The following BICD1 variants were observed in gnomAD, a reference collection of about 807,000 sequenced individuals.
BICD1 encodes the protein BICD cargo adaptor 1.
BICD1 carries 35 observed loss-of-function variants against 92.5 expected under a neutral mutation model. That is an observed-to-expected ratio of 0.38 (90% CI 0.29 to 0.50). The LOEUF is 0.50. BICD1 is among the 20% of genes least tolerant of loss of function. The probability of loss-of-function intolerance (pLI) is 0.93; values close to 1 mark genes in which losing one functional copy is unlikely to be tolerated. For synonymous variants in BICD1, 429 were observed against 465.1 expected, an observed-to-expected ratio of 0.92 and a Z score of 1.00; for missense variants, 950 against 1,189.8, an observed-to-expected ratio of 0.80 and a Z score of 2.97.
At chr12:32,250,112 A>G (rs1946488195) in intron 2 of BICD1, among the ~76,000 whole-genome samples, 1 of 152,096 alleles carries the variant, frequency 6.6e-6, no homozygotes, top group Non-Finnish European at 1.5e-5. Flanking sequence ...CTTGTCCTAC[A>G]CCACGTTCAT....
intron 8 of BICD1, among the ~76,000 whole-genome samples, chr12:32,348,939 C>A (rs1938752827): frequency 6.6e-6 from 1 of 152,024 alleles, no homozygotes; most frequent in Admixed American, 6.6e-5. Context: ...TTACCACCTT[C>A]TACCTGTGTG....
intron 1 of BICD1, among the ~76,000 whole-genome samples, chr12:32,161,853 T>C (rs1451671555): frequency 6.6e-6 from 1 of 152,236 alleles, no homozygotes; most frequent in Non-Finnish European, 1.5e-5. Flanking sequence ...ATTTTTTGAA[T>C]AATTTTCTAA....
intron 5 of BICD1, among the ~76,000 whole-genome samples, chr12:32,334,041 T>C (rs1372616805): frequency 6.6e-6 from 1 of 152,216 alleles, no homozygotes; most frequent in East Asian, 1.9e-4. Context: ...TACAATGGTG[T>C]ATGTCTTTTA....
In BICD1 at chr12:32,381,019, GTAT is replaced by G. The variant is rs1940157675; in HGVS notation, c.*3395_*3397del. 1 of 152,010 alleles carries G rather than the reference GTAT, an allele frequency of 6.6e-6. No individual in the cohort carries two copies. Among genetic ancestry groups the G allele is most frequent in the South Asian group, 2.1e-4 (1 of 4,818 alleles). 9.4% of individuals were successfully genotyped at this position (152,010 alleles called of 1,614,324 possible). A position where few individuals can be genotyped will look rare whatever the true frequency, so the allele number is the denominator to read the frequency against. On this transcript the variant is annotated 3_prime_UTR_variant, in exon 10 of 10. Coordinates refer to ENST00000652176, the MANE Select transcript of BICD1 (RefSeq NM_001714.4). ...TTGAATATCATTGGTGGTCTAGTAA[GTAT>G]TAAGTGGCAAGATAGGAGAATGCAT... is the stretch of plus-strand genomic sequence containing the variant.
At chr12:32,234,467 CA>C (rs1945998601) in intron 2 of BICD1, among the ~76,000 whole-genome samples, 1 of 151,868 alleles carries the variant, frequency 6.6e-6, no homozygotes, top group Non-Finnish European at 1.5e-5. Context: ...TGTGGTGGCT[CA>C]TGCCTGTAAT....
At chr12:32,270,923 A>G (rs913402543) in intron 2 of BICD1, among the ~76,000 whole-genome samples, 2 of 152,150 alleles carry the variant, frequency 1.3e-5, no homozygotes, top group East Asian at 3.8e-4. Flanking sequence ...CTGTGTGTGA[A>G]GTGTGTTCAG....
intron 1 of BICD1, among the ~76,000 whole-genome samples, chr12:32,187,034 T>C (rs1276007329): frequency 6.6e-6 from 1 of 152,224 alleles, no homozygotes; most frequent in Non-Finnish European, 1.5e-5. Flanking sequence ...GTTTCTTCTA[T>C]GGTGAGTTTA....
intron 1 of BICD1, among the ~76,000 whole-genome samples, chr12:32,168,730 G>A (rs1943846497): frequency 6.6e-6 from 1 of 152,172 alleles, no homozygotes; most frequent in African/African-American, 2.4e-5. Flanking sequence ...AGCACTCTGG[G>A]AGGCCAAGGC....
chr12:32,153,029 G>C (rs1943334635), intron 1 of BICD1, among the ~76,000 whole-genome samples: 1 of 152,116 alleles, frequency 6.6e-6, no homozygotes, highest in African/African-American at 2.4e-5. Flanking sequence ...CAGACACTGA[G>C]CATAGTATAC....
At chr12:32,264,473 A>G (rs1373265906) in intron 2 of BICD1, among the ~76,000 whole-genome samples, 2 of 152,306 alleles carry the variant, frequency 1.3e-5, no homozygotes, top group East Asian at 1.9e-4. Context: ...ACAGTAAAAA[A>G]TGTTTTTAGA....
At chr12:32,147,904 T>G (rs986915847) in intron 1 of BICD1, among the ~76,000 whole-genome samples, 1 of 152,016 alleles carries the variant, frequency 6.6e-6, no homozygotes, top group African/African-American at 2.4e-5. Flanking sequence ...TTTGGGAGGC[T>G]GAAGTGGGAG....
intron 1 of BICD1, among the ~76,000 whole-genome samples, chr12:32,131,957 G>A (rs1211287947): frequency 6.6e-6 from 1 of 152,186 alleles, no homozygotes; most frequent in African/African-American, 2.4e-5. Flanking sequence ...TGGCGGGGGT[G>A]CTGGCTGGGG....
At chr12:32,161,000 A>G (rs937721275) in intron 1 of BICD1, among the ~76,000 whole-genome samples, 1 of 152,214 alleles carries the variant, frequency 6.6e-6, no homozygotes, top group African/African-American at 2.4e-5. Context: ...TGGCTCTCTG[A>G]GCAATATCTT....
At chr12:32,270,632 G>C (rs1466326604) in intron 2 of BICD1, among the ~76,000 whole-genome samples, 2 of 152,170 alleles carry the variant, frequency 1.3e-5, no homozygotes, top group Non-Finnish European at 2.9e-5. Flanking sequence ...GTAAAACTAT[G>C]ATAAGATTTT....
rs542482238 is a variant in BICD1, at chr12:32,293,019, TA to T, written c.427-965del. ...AGTCCTGGTAATACAAGCTTGTTGT[TA>T]AAAAAAAAATTGAAATGATCCAGAA... On this transcript the variant is annotated intron_variant, in intron 2 of 9. Coordinates refer to ENST00000652176, the MANE Select transcript of BICD1 (RefSeq NM_001714.4). Among the ~76,000 whole-genome samples the T allele has an allele frequency of 3.0e-3, 455 of 150,500 alleles. 3 individuals carry two copies. The highest frequency in any genetic ancestry group is 0.01 in the African/African-American group (412 of 41,124).
intron 1 of BICD1, among the ~76,000 whole-genome samples, chr12:32,179,021 G>A (rs975100966): frequency 5.9e-5 from 9 of 151,966 alleles, no homozygotes; most frequent in African/African-American, 2.2e-4. Flanking sequence ...TAACAGAGCG[G>A]CCACCTTTTT....
chr12:32,108,430 C>T, intron 1 of BICD1: 1 of 403,960 alleles, frequency 2.5e-6, no homozygotes. Flanking sequence ...ATCAGTCACT[C>T]TTAAGAACAT....
At chr12:32,123,618 G>A (rs1301291590) in intron 1 of BICD1, among the ~76,000 whole-genome samples, 2 of 152,140 alleles carry the variant, frequency 1.3e-5, no homozygotes, top group Non-Finnish European at 1.5e-5. Flanking sequence ...GGCGCACGCC[G>A]GTAATCCCAG....
intron 2 of BICD1, among the ~76,000 whole-genome samples, chr12:32,221,625 G>A (rs1261269902): frequency 6.6e-6 from 1 of 151,882 alleles, no homozygotes; most frequent in Non-Finnish European, 1.5e-5. Flanking sequence ...AGGTTGCAGT[G>A]AGCCAAGATT....
Sources: allele counts gnomAD v4.1 joint callset (sites outside exome capture counted in the v4.1 genomes callset), GRCh38; gene constraint gnomAD v4.1.1; transcripts MANE v1.5; gene names NCBI Gene and HGNC (gene_info 2026-07-23, HGNC 2026-07-21).